OR2V1: variants seen among roughly 807,000 people sequenced by gnomAD.
The protein encoded by OR2V1 is olfactory receptor 2V1.
In OR2V1, 18 loss-of-function variants were observed where a neutral mutation model predicts 15.0. That is an observed-to-expected ratio of 1.20 (90% CI 0.83 to 1.78). OR2V1 has a LOEUF of 1.78. Ranked by LOEUF, OR2V1 falls within the 40% of genes most tolerant of loss-of-function variation. The pLI is 0.00. For synonymous variants in OR2V1, 144 were observed against 146.1 expected, an observed-to-expected ratio of 0.99 and a Z score of 0.10; for missense variants, 359 against 392.9, an observed-to-expected ratio of 0.91 and a Z score of 0.73.
chr5:181,130,241 G>A (rs1016886779), intron 1 of OR2V1, 26 bp from the exon 2 acceptor site: 21 of 398,878 alleles, frequency 5.3e-5, no homozygotes, highest in Non-Finnish European at 8.0e-5. Flanking sequence ...TAGCGTCAGA[G>A]CCATGCACTC....
intron 3 of OR2V1, among the ~76,000 whole-genome samples, chr5:181,128,698 C>T (rs970711780): frequency 5.9e-5 from 9 of 152,166 alleles, no homozygotes; most frequent in Non-Finnish European, 1.3e-4. Context: ...AGCCTTCCCT[C>T]AGCACCCATT....
Position 181,124,753 on chromosome 5 carries a change from A to G in OR2V1, c.552T>C (p.Ala184=). ...TGTCTGCACAGGCCAGCTTCAATAA[A>G]GCTTGTACCTCACAGAAAAAGTGAT... ...SVDHFFCEVQ[A]LLKLACADTS... Residue 184 remains alanine, a synonymous_variant, in exon 4 of 4, where the codon GCT becomes GCC. Coordinates refer to ENST00000641551, the MANE Select transcript of OR2V1 (RefSeq NM_001258283.2). The G allele has an allele frequency of 6.2e-7, 1 of 1,606,990 alleles. No homozygotes were observed. The highest frequency in any genetic ancestry group is 8.5e-7 in the Non-Finnish European group (1 of 1,178,500).
rs775263124 is a variant in OR2V1 at position 181,124,861 on chromosome 5, G to A, written c.444C>T (p.Ser148=). The A allele has an allele frequency of 5.0e-6, 8 of 1,607,610 alleles. No individual in the cohort carries two copies. In the Admixed American group the frequency reaches 6.8e-5, roughly 14 times the overall value. ...CATCTATTATCCCAAAGGCCCAGGA[G>A]CTCCCAGTAATCTGGAGACAGACCC... ...NQRVCLQITG[S]SWAFGIIDGV... The change falls in exon 4 of 4, where the codon AGC becomes AGT. Residue 148 remains serine (S), a synonymous_variant. Transcript: ENST00000641551.
chr5:181,128,697 T>G (rs1762919563), intron 3 of OR2V1, among the ~76,000 whole-genome samples: 1 of 152,070 alleles, frequency 6.6e-6, no homozygotes, highest in Non-Finnish European at 1.5e-5. Flanking sequence ...AAGCCTTCCC[T>G]CAGCACCCAT....
chr5:181,127,511 G>A (rs553791073), intron 3 of OR2V1, among the ~76,000 whole-genome samples: 4 of 152,258 alleles, frequency 2.6e-5, no homozygotes, highest in South Asian at 2.1e-4. Flanking sequence ...TCACTGCAGC[G>A]TTAAATGAGG....
Position 181,123,927 on chromosome 5 carries a change from A to G in OR2V1, c.*430T>C, listed in dbSNP as rs996860769. ...AATTTAGAAAGAATAGAAAAGGAACAGGAACCTAGAACTTAGTAAGCATCC... is the reference window on the plus strand; with the variant it reads ...AATTTAGAAAGAATAGAAAAGGAACGGGAACCTAGAACTTAGTAAGCATCC... On this transcript the variant is annotated 3_prime_UTR_variant, in exon 4 of 4. Coordinates refer to ENST00000641551, the MANE Select transcript of OR2V1 (RefSeq NM_001258283.2). 1.3e-5 allele frequency: 2 copies of G among 154,398 alleles called. No individual in the cohort carries two copies. The highest frequency in any genetic ancestry group is 6.5e-5 in the Admixed American group (1 of 15,326). 9.6% of individuals were successfully genotyped at this position (154,398 alleles called of 1,614,324 possible). A position where few individuals can be genotyped will look rare whatever the true frequency, so the allele number is the denominator to read the frequency against.
intron 3 of OR2V1, 104 bp from the exon 4 acceptor site, chr5:181,125,429 G>T: frequency 1.2e-6 from 1 of 813,636 alleles, no homozygotes; most frequent in Non-Finnish European, 1.9e-6. Context: ...GAGGACACTC[G>T]TATTCCTGTG....
chr5:181,125,200 G>T lies in OR2V1; in HGVS notation c.105C>A (p.Val35=). ...CATTCCCACAGAGGGCCACTGTGAA[G>T]ACCACCATAACTGCAGAGAAGAGGA... is the stretch of plus-strand genomic sequence containing the variant. ...DLVLFSAVMV[V]FTVALCGNVL... Residue 35 remains valine, a synonymous_variant, in exon 4 of 4, where the codon GTC becomes GTA. Coordinates refer to ENST00000641551, the MANE Select transcript of OR2V1 (RefSeq NM_001258283.2). 1 of 1,614,172 alleles carries T rather than the reference G, an allele frequency of 6.2e-7. No homozygotes were observed. The highest frequency in any genetic ancestry group is 8.5e-7 in the Non-Finnish European group (1 of 1,180,052).
At position 181,124,782 on chromosome 5, in the gene OR2V1, C is replaced by CTATGAGGAGCCCCTCTGCCTG. The variant is rs764247445; in HGVS notation, c.522_523insCAGGCAGAGGGGCTCCTCATA (p.Ser174_Val175insGlnAlaGluGlyLeuLeuIle). 6.3e-7 allele frequency: 1 copy of CTATGAGGAGCCCCTCTGCCTG among 1,597,646 alleles called. No homozygotes were observed. The highest frequency in any genetic ancestry group is 1.1e-5 in the South Asian group (1 of 89,762). On this transcript the variant is annotated inframe_insertion, in exon 4 of 4. Coordinates refer to ENST00000641551, the MANE Select transcript of OR2V1 (RefSeq NM_001258283.2). ...TGTACCTCACAGAAAAAGTGATCCACGCTCCTTGAGCCACAGTAAGGTAAG... is the reference window on the plus strand; with the variant it reads ...TGTACCTCACAGAAAAAGTGATCCACTATGAGGAGCCCCTCTGCCTGGCTCCTTGAGCCACAGTAAGGTAAG...
intron 3 of OR2V1, among the ~76,000 whole-genome samples, chr5:181,128,600 C>T (rs1166681585): frequency 6.6e-6 from 1 of 152,210 alleles, no homozygotes; most frequent in Non-Finnish European, 1.5e-5. Flanking sequence ...TCCAGGGGGC[C>T]TGGACACTTT....
chr5:181,126,250 C>A (rs7730929), intron 3 of OR2V1, among the ~76,000 whole-genome samples: 14 of 151,940 alleles, frequency 9.2e-5, no homozygotes, highest in Admixed American at 3.3e-4. Flanking sequence ...CCCTGGTCTC[C>A]CAGCTTCTAT....
At chr5:181,130,360 C>G in intron 1 of OR2V1, 145 bp from the exon 2 acceptor site, 1 of 396,978 alleles carries the variant, frequency 2.5e-6, no homozygotes, top group Non-Finnish European at 4.4e-6. Flanking sequence ...CCCACGGCAC[C>G]CTCAGCCTCC....
At chr5:181,127,537 C>G (rs1487661629) in intron 3 of OR2V1, among the ~76,000 whole-genome samples, 1 of 152,132 alleles carries the variant, frequency 6.6e-6, no homozygotes, top group Non-Finnish European at 1.5e-5. Flanking sequence ...CCACGGGACA[C>G]CACGCTCTCT....
At chr5:181,128,448 C>A (rs1178917396) in intron 3 of OR2V1, among the ~76,000 whole-genome samples, 1 of 152,182 alleles carries the variant, frequency 6.6e-6, no homozygotes, top group African/African-American at 2.4e-5. Context: ...GGAATAAAGC[C>A]AAAGTACTTC....
At chr5:181,126,659 G>A (rs1762875920) in intron 3 of OR2V1, among the ~76,000 whole-genome samples, 1 of 151,506 alleles carries the variant, frequency 6.6e-6, no homozygotes, top group Admixed American at 6.6e-5. Flanking sequence ...GAGACATACA[G>A]ACATGGAAAG....
At position 181,124,563 on chromosome 5, in the gene OR2V1, C is replaced by T. The variant is rs772197594; in HGVS notation, c.742G>A (p.Ala248Thr). The change falls in exon 4 of 4, where the codon GCT becomes ACT. Residue 248 changes from alanine to threonine, a missense_variant. By Grantham distance (58) the Ala-to-Thr change is moderately conservative. Coordinates refer to ENST00000641551, the MANE Select transcript of OR2V1 (RefSeq NM_001258283.2). ...ALATCSSHLT[A>T]VTLFYGAAMF... ...GCTGCCCCATAGAAGAGGGTGACAG[C>T]TGTTAGGTGGGAGGAGCAGGTGGCC... The T allele has an allele frequency of 1.2e-6, 2 of 1,613,110 alleles. No homozygotes were observed. The highest frequency in any genetic ancestry group is 1.1e-5 in the South Asian group (1 of 90,956).
At chr5:181,126,760 A>C (rs570279235) in intron 3 of OR2V1, among the ~76,000 whole-genome samples, 4 of 152,294 alleles carry the variant, frequency 2.6e-5, no homozygotes, top group Admixed American at 2.0e-4. Context: ...AGAGTCATAC[A>C]CAAATACAGA....
intron 3 of OR2V1, among the ~76,000 whole-genome samples, chr5:181,125,899 C>T (rs1475379290): frequency 6.6e-6 from 1 of 152,082 alleles, no homozygotes; most frequent in African/African-American, 2.4e-5. Flanking sequence ...GCAGGAGAAT[C>T]GCTTGAACCC....
intron 3 of OR2V1, among the ~76,000 whole-genome samples, chr5:181,127,105 C>A (rs1301943397): frequency 6.6e-6 from 1 of 152,244 alleles, no homozygotes; most frequent in Non-Finnish European, 1.5e-5. Context: ...GGCACTGGTG[C>A]CATCTGACAC....
Sources: gnomAD v4.1 joint callset for allele counts (sites outside exome capture counted in the v4.1 genomes callset) on GRCh38, gnomAD v4.1.1 for gene constraint, MANE v1.5 for transcripts, NCBI Gene and HGNC (gene_info 2026-07-23, HGNC 2026-07-21) for gene names.